Variants in SCUBE3 observed in about 807,000 individuals in gnomAD.
SCUBE3 encodes the protein signal peptide, CUB domain and EGF like domain containing 3, also known as signal peptide, CUB and EGF-like domain-containing protein 3.
Under a neutral mutation model 116.8 loss-of-function variants are expected in SCUBE3, and 33 were observed. The ratio of observed to expected loss-of-function variants is 0.28; its 90% CI spans 0.21 to 0.38. The LOEUF is 0.38. Among genes scored for constraint, SCUBE3 ranks in the 10% least tolerant of loss-of-function variants. SCUBE3 has a pLI of 1.00. For missense variants in SCUBE3, 1,007 were observed against 1,324.8 expected (o/e 0.76, Z 3.72); for synonymous variants, 418 against 496.9 (o/e 0.84, Z 2.11).
chr6:35,238,123 T>C, intron 7 of SCUBE3, 105 bp downstream of exon 7: 1 of 643,250 alleles, frequency 1.6e-6, no homozygotes, highest in East Asian at 2.6e-5. Context: ...TCAACCTCCT[T>C]CTTATGAAGA....
At chr6:35,238,901 A>T (rs921504441) in intron 7 of SCUBE3, among the ~76,000 whole-genome samples, 1 of 151,558 alleles carries the variant, frequency 6.6e-6, no homozygotes, top group Non-Finnish European at 1.5e-5. Flanking sequence ...AGGAGGGGGG[A>T]GGCTAGGGCA....
chr6:35,243,994 T>C lies in SCUBE3; in HGVS notation c.2103T>C (p.Asp701=). The C allele has an allele frequency of 1.2e-6, 2 of 1,614,142 alleles. No individual in the cohort carries two copies. The highest frequency in any genetic ancestry group is 1.7e-6 in the Non-Finnish European group (2 of 1,179,990). ...GQCPPGQHSV[D]GFKPCQPCPR... ...GCCCACCTGGCCAACACTCTGTAGA[T>C]GGGTTCAAGCCCTGTCAGCCATGCC... Residue 701 remains aspartate, a synonymous_variant, in exon 17 of 22, where the codon GAT becomes GAC. Transcript: ENST00000274938. The surrounding 1 kb of genome is among the most constrained non-coding windows in gnomAD (Gnocchi z 6.6).
intron 2 of SCUBE3, 112 bp downstream of exon 2, chr6:35,227,814 C>G: frequency 6.2e-6 from 7 of 1,126,906 alleles, no homozygotes; most frequent in South Asian, 4.3e-5. Context: ...TTCCACTGGT[C>G]AAGTGGTGGG....
rs1562040869 is a variant in SCUBE3 at position 35,219,112 on chromosome 6, C to T, written c.85+4609C>T. On this transcript the variant is annotated intron_variant, in intron 1 of 21. Coordinates refer to ENST00000274938, the MANE Select transcript of SCUBE3 (RefSeq NM_152753.4). The surrounding 1 kb of genome is among the most constrained non-coding windows in gnomAD (Gnocchi z 4.7). ...TGCCTGAGGCTAGGTCATCTGGATA[C>T]TCTTCCTTTCTTCCCCCACCCCAGT... Among the ~76,000 whole-genome samples, 1 of 152,188 alleles carries T rather than the reference C, an allele frequency of 6.6e-6. No individual in the cohort carries two copies. Among genetic ancestry groups the T allele is most frequent in the African/African-American group, 2.4e-5 (1 of 41,428 alleles).
At chr6:35,237,577 A>C (rs1783828800) in intron 6 of SCUBE3, among the ~76,000 whole-genome samples, 1 of 150,774 alleles carries the variant, frequency 6.6e-6, no homozygotes. Context: ...ATCCCTCCCT[A>C]CTGCCCCCCG....
Position 35,239,728 on chromosome 6 carries a change from T to C in SCUBE3, c.830-24T>C. On this transcript the variant is annotated intron_variant, in intron 7 of 21. Transcript: ENST00000274938. This position sits in a 1 kb window ranked among gnomAD's most constrained non-coding sequence, Gnocchi z 4.1. ...TCTCAGCCTTTGATAGTATCTTTTA[T>C]CCTGTTTTGTCCTCCTTCTTCAGAT... 1 of 1,608,332 alleles carries C rather than the reference T, an allele frequency of 6.2e-7. No homozygotes were observed. The highest frequency in any genetic ancestry group is 8.5e-7 in the Non-Finnish European group (1 of 1,177,482).
chr6:35,240,397 C>T lies in SCUBE3; in HGVS notation c.976C>T (p.Arg326Ter). The T allele has an allele frequency of 1.9e-6, 3 of 1,603,394 alleles. No individual in the cohort carries two copies. Among genetic ancestry groups the T allele is most frequent in the Non-Finnish European group, 1.7e-6 (2 of 1,173,804 alleles). The change falls in exon 9 of 22, where the codon CGA (arginine) becomes TGA (stop). Residue 326 changes from arginine (R) to a stop codon, truncating the protein, a stop_gained. Transcript: ENST00000274938. LOFTEE classifies it high-confidence loss of function. This position sits in a 1 kb window ranked among gnomAD's most constrained non-coding sequence, Gnocchi z 4.6. ...AGATATAGACGAGTGTTCCTTTGATCGAACCTGTGACCACATATGTGTCAA... is the reference window on the plus strand; with the variant it reads ...AGATATAGACGAGTGTTCCTTTGATTGAACCTGTGACCACATATGTGTCAA... The part of the protein sequence containing the change: ...CQDIDECSFD[R>*]TCDHICVNTP...
rs1783609635 is a variant in SCUBE3, at chr6:35,232,875, C to T, written c.495C>T (p.Asn165=). 3.1e-6 allele frequency: 5 copies of T among 1,613,978 alleles called. No individual in the cohort carries two copies. The highest frequency in any genetic ancestry group is 4.2e-6 in the Non-Finnish European group (5 of 1,179,978). ...PEEGMNCMNK[N]HGCAHICRET... ...AAGGAATGAATTGCATGAACAAGAACCACGGCTGTGCCCACATTTGCCGGG... is the reference window on the plus strand; with the variant it reads ...AAGGAATGAATTGCATGAACAAGAATCACGGCTGTGCCCACATTTGCCGGG... The change falls in exon 5 of 22, where the codon AAC becomes AAT. Residue 165 remains asparagine, a synonymous_variant. Transcript: ENST00000274938. This position sits in a 1 kb window ranked among gnomAD's most constrained non-coding sequence, Gnocchi z 4.2.
rs1784202319 is a variant in SCUBE3, at chr6:35,243,798, C to T, written c.2071+43C>T. 4 of 1,586,954 alleles carry T rather than the reference C, an allele frequency of 2.5e-6. No homozygotes were observed. The highest frequency in any genetic ancestry group is 2.7e-5 in the African/African-American group (2 of 74,468). Reference sequence around the variant, plus strand: ...AATACAGAGTGGGGTAGGGTGGGCACTGGGATGCCCATGGGCATGGGATTT... The same window carrying T: ...AATACAGAGTGGGGTAGGGTGGGCATTGGGATGCCCATGGGCATGGGATTT... On this transcript the variant is annotated intron_variant, in intron 16 of 21. Coordinates refer to ENST00000274938, the MANE Select transcript of SCUBE3 (RefSeq NM_152753.4). The surrounding 1 kb of genome is among the most constrained non-coding windows in gnomAD (Gnocchi z 6.6).
chr6:35,243,737 A>C lies in SCUBE3; in HGVS notation c.2053A>C (p.Asn685His). 1 of 1,614,002 alleles carries C rather than the reference A, an allele frequency of 6.2e-7. No homozygotes were observed. The highest frequency in any genetic ancestry group is 8.5e-7 in the Non-Finnish European group (1 of 1,179,952). Residue 685 changes from asparagine to histidine, a missense_variant, in exon 16 of 22, where the codon AAC becomes CAC. By Grantham distance (68) the Asn-to-His change is moderately conservative (BLOSUM62 1). Transcript: ENST00000274938. This position sits in a 1 kb window ranked among gnomAD's most constrained non-coding sequence, Gnocchi z 6.6. Reference protein sequence around the residue: ...SDAHGPLGATNVTTCAGQCPP... With the variant: ...SDAHGPLGATHVTTCAGQCPP... ...TGCCCACGGGCCTCTTGGAGCCACC[A>C]ACGTCACCACGTGTGCAGGTGCCAG...
Position 35,235,493 on chromosome 6 carries a change from G to A in SCUBE3, c.712+2192G>A, listed in dbSNP as rs1382504757. 2 of 1,282,358 alleles carry A rather than the reference G, an allele frequency of 1.6e-6. No homozygotes were observed. The highest frequency in any genetic ancestry group is 1.0e-6 in the Non-Finnish European group (1 of 982,036). 79.4% of individuals were successfully genotyped at this position (1,282,358 alleles called of 1,614,324 possible). A position where few individuals can be genotyped will look rare whatever the true frequency, so the allele number is the denominator to read the frequency against. On this transcript the variant is annotated intron_variant, in intron 6 of 21. Transcript: ENST00000274938. The surrounding 1 kb of genome is among the most constrained non-coding windows in gnomAD (Gnocchi z 4.5). ...CATCCCCACTCAAGCCGTTTCTAAT[G>A]GTAAATATGTCTGCTCTCTCCGCTT...
In SCUBE3 at chr6:35,216,046, C is replaced by G. The variant is rs116886928; in HGVS notation, c.85+1543C>G. Among the ~76,000 whole-genome samples, 32 of 152,320 alleles carry G rather than the reference C, an allele frequency of 2.1e-4. No individual in the cohort carries two copies. The East Asian group carries it at 5.0e-3, about 24-fold the overall frequency. The stretch of plus-strand genomic sequence containing the variant: ...GGAAGGAACAGATATCATGAAGTAA[C>G]CTAGAGACAAGATAAGGGCCTCTTT... On this transcript the variant is annotated intron_variant, in intron 1 of 21. Transcript: ENST00000274938.
Position 35,230,838 on chromosome 6 carries a change from G to A in SCUBE3, c.335-887G>A, listed in dbSNP as rs549802958. On this transcript the variant is annotated intron_variant, in intron 3 of 21. Transcript: ENST00000274938. ...AGCCCAGATTCTAGCTGCTCCATTT[G>A]ACAACCAATCTACGTGATGCCTCCT... Among the ~76,000 whole-genome samples the A allele has an allele frequency of 5.3e-5, 8 of 152,318 alleles. No homozygotes were observed. The East Asian group carries it at 1.4e-3, about 26-fold the overall frequency.
Position 35,239,143 on chromosome 6 carries a change from A to T in SCUBE3, c.830-609A>T, listed in dbSNP as rs62404594. Among the ~76,000 whole-genome samples the T allele has an allele frequency of 2.1e-3, 320 of 151,150 alleles. No homozygotes were observed. The highest frequency in any genetic ancestry group is 4.0e-3 in the Non-Finnish European group (271 of 67,738). On this transcript the variant is annotated intron_variant, in intron 7 of 21. Transcript: ENST00000274938. This position sits in a 1 kb window ranked among gnomAD's most constrained non-coding sequence, Gnocchi z 4.1. ...CTGCCTCAGGCCTGAGTCTCTCCAG[A>T]TCTCTCCCAGTCCAGCCCCTTGCCT...
rs1284412794 is a variant in SCUBE3 at position 35,233,893 on chromosome 6, A to AT, written c.712+595dup. Among the ~76,000 whole-genome samples, 1 of 150,386 alleles carries AT rather than the reference A, an allele frequency of 6.6e-6. No individual in the cohort carries two copies. The highest frequency in any genetic ancestry group is 1.5e-5 in the Non-Finnish European group (1 of 67,672). The stretch of plus-strand genomic sequence containing the variant: ...TTCTACTCACCTCACCTTACCCCCC[A>AT]TTTCCTTCTCTCTCCTCCAGATGCC... On this transcript the variant is annotated intron_variant, in intron 6 of 21. Transcript: ENST00000274938. The surrounding 1 kb of genome is among the most constrained non-coding windows in gnomAD (Gnocchi z 5.7).
Position 35,228,833 on chromosome 6 carries a change from G to T in SCUBE3, c.334+94G>T. 7.7e-7 allele frequency: 1 copy of T among 1,305,792 alleles called. No homozygotes were observed. Among genetic ancestry groups the T allele is most frequent in the South Asian group, 1.3e-5 (1 of 79,476 alleles). 80.9% of individuals were successfully genotyped at this position (1,305,792 alleles called of 1,614,324 possible). A position where few individuals can be genotyped will look rare whatever the true frequency, so the allele number is the denominator to read the frequency against. ...ATTTCCCAGGGAAGGAGGAGAGAGT[G>T]ATCAAGAAGAGCTACATTCACAAGA... On this transcript the variant is annotated intron_variant, in intron 3 of 21. Transcript: ENST00000274938. The surrounding 1 kb of genome is among the most constrained non-coding windows in gnomAD (Gnocchi z 4.9).
rs1315446289 is a variant in SCUBE3 at position 35,241,490 on chromosome 6, C to T, written c.1196-53C>T. 2 of 1,330,876 alleles carry T rather than the reference C, an allele frequency of 1.5e-6. No individual in the cohort carries two copies. Among genetic ancestry groups the T allele is most frequent in the African/African-American group, 2.9e-5 (2 of 69,476 alleles). 82.4% of individuals were successfully genotyped at this position (1,330,876 alleles called of 1,614,324 possible). ...AAGTAGCTGATTCCTCCAAATTACC[C>T]AACTGAGGGAAAGGAATGCATTCAT... On this transcript the variant is annotated intron_variant, in intron 10 of 21. Transcript: ENST00000274938. This position sits in a 1 kb window ranked among gnomAD's most constrained non-coding sequence, Gnocchi z 4.1.
At chr6:35,226,221 T>C (rs982041026) in intron 1 of SCUBE3, among the ~76,000 whole-genome samples, 44 of 151,948 alleles carry the variant, frequency 2.9e-4, no homozygotes, top group Admixed American at 2.9e-3. Flanking sequence ...CCTAGGAGAG[T>C]TGACTCTGAT....
At chr6:35,226,817 A>T (rs539775504) in intron 1 of SCUBE3, among the ~76,000 whole-genome samples, 83 of 152,104 alleles carry the variant, frequency 5.5e-4, no homozygotes, top group African/African-American at 2.0e-3. Context: ...TTTTTGCTAG[A>T]TGGTGAGTGG....
Sources: allele counts gnomAD v4.1 joint callset (sites outside exome capture counted in the v4.1 genomes callset), GRCh38; gene constraint gnomAD v4.1.1; non-coding constraint Gnocchi (gnomAD v3.1); transcripts MANE v1.5; gene names NCBI Gene and HGNC (gene_info 2026-07-23, HGNC 2026-07-21).